SLC5A3: variants seen among roughly 807,000 people sequenced by gnomAD.
SLC5A3 encodes solute carrier family 5 member 3.
Under a neutral mutation model 43.2 loss-of-function variants are expected in SLC5A3, and 10 were observed. That is an observed-to-expected ratio of 0.23 (90% confidence interval 0.14 to 0.39). The LOEUF (loss-of-function observed/expected upper bound fraction) is 0.39, where lower values mean the gene tolerates loss of function less well. Among genes scored for constraint, SLC5A3 ranks in the 10% least tolerant of loss-of-function variants. SLC5A3 has a pLI of 1.00. For synonymous variants in SLC5A3, 349 were observed against 322.0 expected (o/e 1.08, Z -0.90); for missense variants, 608 against 893.4 (o/e 0.68, Z 4.07).
intron 1 of SLC5A3, among the ~76,000 whole-genome samples, chr21:34,088,073 C>T (rs990717692): frequency 3.0e-4 from 45 of 152,218 alleles, no homozygotes; most frequent in African/African-American, 5.5e-4. Flanking sequence ...AACTACAACA[C>T]TTCATCCATT....
At chr21:34,088,953 C>T (rs1274194472) in intron 1 of SLC5A3, among the ~76,000 whole-genome samples, 1 of 151,782 alleles carries the variant, frequency 6.6e-6, no homozygotes, top group African/African-American at 2.4e-5. Context: ...AGTGTTGAGC[C>T]TCTTGAATTC....
intron 1 of SLC5A3, among the ~76,000 whole-genome samples, chr21:34,086,750 T>C (rs1468572888): frequency 1.3e-5 from 2 of 152,168 alleles, no homozygotes; most frequent in Non-Finnish European, 2.9e-5. Flanking sequence ...GGTTGGCACA[T>C]GGTGTTTGGT....
chr21:34,096,659 G>A lies in SLC5A3; in HGVS notation c.1461G>A (p.Leu487=). The A allele has an allele frequency of 6.2e-7, 1 of 1,614,098 alleles. No homozygotes were observed. Among genetic ancestry groups the A allele is most frequent in the East Asian group, 2.2e-5 (1 of 44,886 alleles). ...GFVLGAVRLI[L]AFAYRAPECD... ...TTCTTGGAGCAGTCCGTTTGATACT[G>A]GCCTTTGCCTACCGTGCCCCAGAAT... Residue 487 remains leucine (L), a synonymous_variant, in exon 2 of 2, where the codon CTG becomes CTA. Coordinates refer to ENST00000381151, the MANE Select transcript of SLC5A3 (RefSeq NM_006933.7). The surrounding 1 kb of genome is among the most constrained non-coding windows in gnomAD (Gnocchi z 5.9).
At chr21:34,077,648 AAAAC>A (rs1301151781) in intron 1 of SLC5A3, among the ~76,000 whole-genome samples, 4 of 152,232 alleles carry the variant, frequency 2.6e-5, no homozygotes, top group South Asian at 2.1e-4. Flanking sequence ...AGTTCTTATT[AAAAC>A]AAACAGTAAT....
At chr21:34,074,598 A>G (rs186840684) in intron 1 of SLC5A3, among the ~76,000 whole-genome samples, 1 of 152,164 alleles carries the variant, frequency 6.6e-6, no homozygotes, top group Admixed American at 6.5e-5. Context: ...GTCCTGGGTC[A>G]TGTACTCCTC....
In SLC5A3 at chr21:34,102,422, T is replaced by C. The variant is rs1268585740; in HGVS notation, c.*5067T>C. 4.0e-6 allele frequency: 4 copies of C among 999,954 alleles called. No individual in the cohort carries two copies. Among genetic ancestry groups the C allele is most frequent in the Admixed American group, 6.2e-5 (1 of 16,242 alleles). 61.9% of individuals were successfully genotyped at this position (999,954 alleles called of 1,614,324 possible). A position where few individuals can be genotyped will look rare whatever the true frequency, so the allele number is the denominator to read the frequency against. ...CTTCTTTATAAAAAGAGGGATTAGT[T>C]TTTTTGTTTTGGGGTAAGCACCTAA... On this transcript the variant is annotated 3_prime_UTR_variant, in exon 2 of 2. Coordinates refer to ENST00000381151, the MANE Select transcript of SLC5A3 (RefSeq NM_006933.7).
At position 34,075,256 on chromosome 21, in the gene SLC5A3, G is replaced by T. The variant is rs576908135; in HGVS notation, c.-337+1511G>T. On this transcript the variant is annotated intron_variant, in intron 1 of 1. Coordinates refer to ENST00000381151, the MANE Select transcript of SLC5A3 (RefSeq NM_006933.7). ...TCTTGGGGAGGTAGCAGGTGACACT[G>T]AAAGAGGCAACCTGTAGGCAATAAT... Among the ~76,000 whole-genome samples, 32 of 152,328 alleles carry T rather than the reference G, an allele frequency of 2.1e-4. No homozygotes were observed. In the East Asian group the frequency reaches 6.0e-3, roughly 28 times the overall value.
chr21:34,090,856 A>T lies in SLC5A3; in HGVS notation c.-336-4007A>T, dbSNP rs1168566100. 2.0e-5 allele frequency among the ~76,000 whole-genome samples: 3 copies of T among 152,242 alleles called. No individual in the cohort carries two copies. In the South Asian group the frequency reaches 6.2e-4, roughly 32 times the overall value. On this transcript the variant is annotated intron_variant, in intron 1 of 1. Transcript: ENST00000381151. ...GGAGCATGGAACCCAGCCCTTAAAA[A>T]CTGTGCTGTTTTCTTCTGTACCGTG...
intron 1 of SLC5A3, among the ~76,000 whole-genome samples, chr21:34,087,325 A>G (rs73899953): frequency 0.085 from 12,997 of 152,096 alleles, 1,845 homozygotes; most frequent in African/African-American, 0.3. Context: ...TGATGGTAAT[A>G]TAGGATATTG....
chr21:34,102,377 T>C lies in SLC5A3; in HGVS notation c.*5022T>C, dbSNP rs1223574361. 4.0e-6 allele frequency: 4 copies of C among 995,364 alleles called. No individual in the cohort carries two copies. In the Admixed American group the frequency reaches 2.7e-4, roughly 68 times the overall value. 61.7% of individuals were successfully genotyped at this position (995,364 alleles called of 1,614,324 possible). ...ATGTTGTGAGAATTGATGTAATTTCTGTTTCTGTTTCCATCTAAACTTCTT... is the reference window on the plus strand; with the variant it reads ...ATGTTGTGAGAATTGATGTAATTTCCGTTTCTGTTTCCATCTAAACTTCTT... On this transcript the variant is annotated 3_prime_UTR_variant, in exon 2 of 2. Transcript: ENST00000381151.
chr21:34,099,741 C>G lies in SLC5A3; in HGVS notation c.*2386C>G. ...TGTCTGTGTGTATATAGCAGTAGGT[C>G]AAGTTTAGAGTACTAAAGTCTGTAA... On this transcript the variant is annotated 3_prime_UTR_variant, in exon 2 of 2. Coordinates refer to ENST00000381151, the MANE Select transcript of SLC5A3 (RefSeq NM_006933.7). 2 of 992,020 alleles carry G rather than the reference C, an allele frequency of 2.0e-6. No homozygotes were observed. The highest frequency in any genetic ancestry group is 1.2e-6 in the Non-Finnish European group (1 of 823,458). The allele number at this position is 992,020 out of a possible 1,614,324, so 61.5% of individuals were successfully genotyped here. A position where few individuals can be genotyped will look rare whatever the true frequency, so the allele number is the denominator to read the frequency against.
In SLC5A3 at chr21:34,098,330, C is replaced by T. The variant is rs888618139; in HGVS notation, c.*975C>T. ...CCAGTTGGAAGATATGTCCAGAAAC[C>T]TGAAGAAAAATTGACGCTGCCTTTG... On this transcript the variant is annotated 3_prime_UTR_variant, in exon 2 of 2. Coordinates refer to ENST00000381151, the MANE Select transcript of SLC5A3 (RefSeq NM_006933.7). 5 of 1,000,028 alleles carry T rather than the reference C, an allele frequency of 5.0e-6. No homozygotes were observed. The highest frequency in any genetic ancestry group is 3.5e-5 in the African/African-American group (2 of 57,208). The allele number at this position is 1,000,028 out of a possible 1,614,324, so 61.9% of individuals were successfully genotyped here.
At chr21:34,076,173 A>T (rs1989326081) in intron 1 of SLC5A3, among the ~76,000 whole-genome samples, 1 of 152,242 alleles carries the variant, frequency 6.6e-6, no homozygotes, top group Non-Finnish European at 1.5e-5. Flanking sequence ...ATAGTTTTCC[A>T]GCCTTTGGAC....
intron 1 of SLC5A3, among the ~76,000 whole-genome samples, chr21:34,091,206 C>A (rs911918258): frequency 6.6e-6 from 1 of 152,134 alleles, no homozygotes; most frequent in Admixed American, 6.5e-5. Context: ...GACTCCAAAG[C>A]TAAAAGAGGT....
intron 1 of SLC5A3, among the ~76,000 whole-genome samples, chr21:34,085,056 A>G (rs370358117): frequency 6.6e-6 from 1 of 152,212 alleles, no homozygotes; most frequent in African/African-American, 2.4e-5. Flanking sequence ...ACCACCAAAT[A>G]TTCAATTCAT....
Position 34,100,071 on chromosome 21 carries a change from A to T in SLC5A3, c.*2716A>T. The T allele has an allele frequency of 3.0e-6, 3 of 996,950 alleles. No individual in the cohort carries two copies. Among genetic ancestry groups the T allele is most frequent in the Non-Finnish European group, 3.6e-6 (3 of 827,034 alleles). The allele number at this position is 996,950 out of a possible 1,614,324, so 61.8% of individuals were successfully genotyped here. A position where few individuals can be genotyped will look rare whatever the true frequency, so the allele number is the denominator to read the frequency against. The stretch of plus-strand genomic sequence containing the variant: ...TGATGACATTGGTCTTTAGACATTA[A>T]CATGTGTATATTTTTATATTAGCTC... On this transcript the variant is annotated 3_prime_UTR_variant, in exon 2 of 2. Transcript: ENST00000381151.
chr21:34,074,612 T>G (rs1208773946), intron 1 of SLC5A3, among the ~76,000 whole-genome samples: 3 of 152,198 alleles, frequency 2.0e-5, no homozygotes, highest in Admixed American at 6.5e-5. Flanking sequence ...ACTCCTCAAG[T>G]CGTCGCCGAA....
At position 34,103,985 on chromosome 21, in the gene SLC5A3, A is replaced by G. The variant is rs996552187; in HGVS notation, c.*6630A>G. On this transcript the variant is annotated 3_prime_UTR_variant, in exon 2 of 2. Coordinates refer to ENST00000381151, the MANE Select transcript of SLC5A3 (RefSeq NM_006933.7). Reference sequence around the variant, plus strand: ...TAGTGTGATTGGGGTTTTTTGTAAAAAATCTTAAATCTTTTAGGAAATATT... The same window carrying G: ...TAGTGTGATTGGGGTTTTTTGTAAAGAATCTTAAATCTTTTAGGAAATATT... 1 of 999,986 alleles carries G rather than the reference A, an allele frequency of 1.0e-6. No homozygotes were observed. Among genetic ancestry groups the G allele is most frequent in the Non-Finnish European group, 1.2e-6 (1 of 829,892 alleles). 61.9% of individuals were successfully genotyped at this position (999,986 alleles called of 1,614,324 possible). A position where few individuals can be genotyped will look rare whatever the true frequency, so the allele number is the denominator to read the frequency against.
chr21:34,096,743 C>T lies in SLC5A3; in HGVS notation c.1545C>T (p.Ala515=). The change falls in exon 2 of 2, where the codon GCC becomes GCT. Residue 515 remains alanine (A), a synonymous_variant. Coordinates refer to ENST00000381151, the MANE Select transcript of SLC5A3 (RefSeq NM_006933.7). This position sits in a 1 kb window ranked among gnomAD's most constrained non-coding sequence, Gnocchi z 5.9. ...AAGACATCCATTATATGTATGTGGC[C>T]ACAGGATTGTTTTGGGTCACGGGAC... ...FIKDIHYMYV[A]TGLFWVTGLI... is the part of the protein sequence containing the mutation. The T allele has an allele frequency of 6.2e-7, 1 of 1,613,978 alleles. No individual in the cohort carries two copies. The highest frequency in any genetic ancestry group is 1.1e-5 in the South Asian group (1 of 91,070).
Sources: gnomAD v4.1 joint callset for allele counts (sites outside exome capture counted in the v4.1 genomes callset) on GRCh38, gnomAD v4.1.1 for gene constraint, Gnocchi (gnomAD v3.1) non-coding constraint, MANE v1.5 for transcripts, NCBI Gene and HGNC (gene_info 2026-07-23, HGNC 2026-07-21) for gene names.